The following PCDHGB1 variants were observed in gnomAD, a reference collection of about 807,000 sequenced individuals.
The protein encoded by PCDHGB1 is protocadherin gamma subfamily B, 1.
A neutral mutation model predicts 56.6 loss-of-function variants in PCDHGB1; 34 were observed. That is an observed-to-expected ratio of 0.60 (90% CI 0.46 to 0.80). PCDHGB1 has a LOEUF of 0.80. Ranked by LOEUF, PCDHGB1 falls within the 30% of genes least tolerant of loss-of-function variation. PCDHGB1 has a pLI of 0.00. For missense variants in PCDHGB1, 1,278 were observed against 1,204.6 expected (o/e 1.06, Z -0.90); for synonymous variants, 561 against 505.9 (o/e 1.11, Z -1.46).
intron 1 of PCDHGB1, chr5:141,388,653 C>T (rs1315025499): frequency 6.2e-7 from 1 of 1,613,728 alleles, no homozygotes; most frequent in Non-Finnish European, 8.5e-7. Context: ...AAACGTGTAC[C>T]CGGGGACCAC....
intron 1 of PCDHGB1, among the ~76,000 whole-genome samples, chr5:141,447,632 T>G (rs931349669): frequency 9.2e-5 from 14 of 152,160 alleles, no homozygotes; most frequent in Non-Finnish European, 2.1e-4. Flanking sequence ...ACCAACAGTA[T>G]GAATGATGGT....
Position 141,350,953 on chromosome 5 carries a change from T to A in PCDHGB1, c.693T>A (p.Asp231Glu). Residue 231 changes from aspartate to glutamate, a missense_variant, in exon 1 of 4, where the codon GAT becomes GAA. Asp to Glu is a conservative substitution (Grantham distance 45). Transcript: ENST00000523390. ...CCCATATCTGGATCCGAGTTACGGATGCCAATGATAATGCTCCCGTGTTTA... is the reference window on the plus strand; with the variant it reads ...CCCATATCTGGATCCGAGTTACGGAAGCCAATGATAATGCTCCCGTGTTTA... ...GTTHIWIRVT[D>E]ANDNAPVFSQ... is the part of the protein sequence containing the mutation. 5 of 1,614,052 alleles carry A rather than the reference T, an allele frequency of 3.1e-6. No individual in the cohort carries two copies. The highest frequency in any genetic ancestry group is 4.2e-6 in the Non-Finnish European group (5 of 1,179,900).
intron 1 of PCDHGB1, among the ~76,000 whole-genome samples, chr5:141,451,630 C>T (rs899343801): frequency 2.0e-5 from 3 of 152,132 alleles, no homozygotes; most frequent in Non-Finnish European, 2.9e-5. Flanking sequence ...ACCTGTAATT[C>T]CAGCACTCTG....
intron 1 of PCDHGB1, chr5:141,441,801 G>A (rs954094882): frequency 7.8e-6 from 3 of 384,492 alleles, no homozygotes; most frequent in African/African-American, 4.4e-5. Flanking sequence ...CGCACCGCGG[G>A]TGCTGTACCC....
At chr5:141,372,565 A>T (rs1005971734) in intron 1 of PCDHGB1, 4 of 1,614,038 alleles carry the variant, frequency 2.5e-6, no homozygotes, top group Non-Finnish European at 3.4e-6. Context: ...CCCGCCACTG[A>T]GGGCTACTTT....
chr5:141,511,443 C>A lies in PCDHGB1; in HGVS notation c.*270C>A. On this transcript the variant is annotated 3_prime_UTR_variant, in exon 4 of 4. Coordinates refer to ENST00000523390, the MANE Select transcript of PCDHGB1 (RefSeq NM_018922.3). ...GGGGTAGTGGGGTTACTGTAGACAC[C>A]AAGAACCATTTGCCACACCCCGTTT... 1 of 670,886 alleles carries A rather than the reference C, an allele frequency of 1.5e-6. No homozygotes were observed. Among genetic ancestry groups the A allele is most frequent in the Non-Finnish European group, 2.4e-6 (1 of 421,442 alleles). 41.6% of individuals were successfully genotyped at this position (670,886 alleles called of 1,614,324 possible).
intron 2 of PCDHGB1, among the ~76,000 whole-genome samples, chr5:141,495,601 G>A (rs1315613802): frequency 3.3e-5 from 5 of 152,004 alleles, no homozygotes; most frequent in South Asian, 2.1e-4. Context: ...CTTAGCTTCC[G>A]TCTTGATTGC....
rs2099692814 is a variant in PCDHGB1 at position 141,489,840 on chromosome 5, G to A, written c.2410-4967G>A. 6.2e-7 allele frequency: 1 copy of A among 1,614,190 alleles called. No individual in the cohort carries two copies. The highest frequency in any genetic ancestry group is 8.5e-7 in the Non-Finnish European group (1 of 1,179,990). On this transcript the variant is annotated intron_variant, in intron 1 of 3. Coordinates refer to ENST00000523390, the MANE Select transcript of PCDHGB1 (RefSeq NM_018922.3). The surrounding 1 kb of genome is among the most constrained non-coding windows in gnomAD (Gnocchi z 4.5). ...CAGAGCTGGTGCTAGAGCAGCAGCT[G>A]GATCGTGAAGCCCAGGCAAGACATC... is the stretch of plus-strand genomic sequence containing the variant.
At chr5:141,421,325 G>T in intron 1 of PCDHGB1, 1 of 1,613,906 alleles carries the variant, frequency 6.2e-7, no homozygotes, top group Non-Finnish European at 8.5e-7. Flanking sequence ...AGGCAGATCC[G>T]ATATTCGGTG....
chr5:141,362,773 A>G, intron 1 of PCDHGB1: 3 of 612,462 alleles, frequency 4.9e-6, no homozygotes, highest in South Asian at 4.6e-5. Context: ...GAGATATTGC[A>G]CTGTATTTCT....
At chr5:141,419,190 A>G in intron 1 of PCDHGB1, 1 of 1,613,930 alleles carries the variant, frequency 6.2e-7, no homozygotes, top group South Asian at 1.1e-5. Flanking sequence ...CACATTACTG[A>G]CGTCAATGAC....
chr5:141,365,319 G>T (rs745669256), intron 1 of PCDHGB1: 2 of 1,613,982 alleles, frequency 1.2e-6, no homozygotes, highest in South Asian at 2.2e-5. Context: ...CTTGTTGCCA[G>T]CGCTAAGGTG....
In PCDHGB1 at chr5:141,485,423, C is replaced by A; in HGVS notation, c.2410-9384C>A. On this transcript the variant is annotated intron_variant, in intron 1 of 3. Transcript: ENST00000523390. This position sits in a 1 kb window ranked among gnomAD's most constrained non-coding sequence, Gnocchi z 5.7. Reference sequence around the variant, plus strand: ...CCGTGTGGATTTGGACAGCGGAGCCCTGCTCATCAAGAACCCAATCGACCG... The same window carrying A: ...CCGTGTGGATTTGGACAGCGGAGCCATGCTCATCAAGAACCCAATCGACCG... 1 of 1,614,204 alleles carries A rather than the reference C, an allele frequency of 6.2e-7. No homozygotes were observed. The highest frequency in any genetic ancestry group is 8.5e-7 in the Non-Finnish European group (1 of 1,180,036).
At position 141,490,649 on chromosome 5, in the gene PCDHGB1, G is replaced by C. The variant is rs1428223995; in HGVS notation, c.2410-4158G>C. 1 of 1,614,148 alleles carries C rather than the reference G, an allele frequency of 6.2e-7. No homozygotes were observed. Among genetic ancestry groups the C allele is most frequent in the Admixed American group, 1.7e-5 (1 of 60,018 alleles). On this transcript the variant is annotated intron_variant, in intron 1 of 3. Coordinates refer to ENST00000523390, the MANE Select transcript of PCDHGB1 (RefSeq NM_018922.3). The surrounding 1 kb of genome is among the most constrained non-coding windows in gnomAD (Gnocchi z 5.4). ...TACATCCTAGAAAACCGGCCTCCGG[G>C]CTCCCTTCTTTGCACTGTGGCTGCC...
chr5:141,362,791 C>A (rs1561527950), intron 1 of PCDHGB1, among the ~76,000 whole-genome samples: 2 of 152,318 alleles, frequency 1.3e-5, no homozygotes, highest in East Asian at 3.9e-4. Flanking sequence ...TCTTTTTCTT[C>A]CTCATCTTTA....
At chr5:141,362,765 G>A (rs982398782) in intron 1 of PCDHGB1, 1 of 620,542 alleles carries the variant, frequency 1.6e-6, no homozygotes, top group South Asian at 2.2e-5. Context: ...TATCACATGA[G>A]ATATTGCACT....
intron 1 of PCDHGB1, chr5:141,385,685 C>T (rs1022994434): frequency 3.0e-6 from 1 of 331,334 alleles, no homozygotes; most frequent in Non-Finnish European, 4.5e-6. Flanking sequence ...CAGCTGTCTT[C>T]TCAGGATTCT....
Position 141,432,325 on chromosome 5 carries a change from C to CGAGCA in PCDHGB1, c.2410-62480_2410-62476dup, listed in dbSNP as rs768604869. On this transcript the variant is annotated intron_variant, in intron 1 of 3. Coordinates refer to ENST00000523390, the MANE Select transcript of PCDHGB1 (RefSeq NM_018922.3). This position sits in a 1 kb window ranked among gnomAD's most constrained non-coding sequence, Gnocchi z 6.0. Reference sequence around the variant, plus strand: ...TGTATGCGCTGAGCTCCTTCGACTACGAGCAGTTCCGAGACTTGCAAGTGA... The same window carrying CGAGCA: ...TGTATGCGCTGAGCTCCTTCGACTACGAGCAGAGCAGTTCCGAGACTTGCAAGTGA... 20 of 1,614,142 alleles carry CGAGCA rather than the reference C, an allele frequency of 1.2e-5. No individual in the cohort carries two copies. Among genetic ancestry groups the CGAGCA allele is most frequent in the Non-Finnish European group, 1.7e-5 (20 of 1,180,050 alleles).
intron 1 of PCDHGB1, chr5:141,415,748 T>A: frequency 9.9e-7 from 1 of 1,008,964 alleles, no homozygotes; most frequent in Non-Finnish European, 1.2e-6. Context: ...AGGTTTTTTT[T>A]TTTTTTTTTT....
Sources: allele counts gnomAD v4.1 joint callset (sites outside exome capture counted in the v4.1 genomes callset), GRCh38; gene constraint gnomAD v4.1.1; non-coding constraint Gnocchi (gnomAD v3.1); transcripts MANE v1.5; gene names NCBI Gene and HGNC (gene_info 2026-07-23, HGNC 2026-07-21).